PRDM16: variants seen among roughly 807,000 people sequenced by gnomAD.
PRDM16 encodes histone-lysine N-methyltransferase PRDM16.
A neutral mutation model predicts 110.6 loss-of-function variants in PRDM16; 23 were observed. The observed-to-expected ratio is 0.21, with a 90% confidence interval of 0.15 to 0.29. The LOEUF is 0.29. PRDM16 is among the 10% of genes least tolerant of loss of function. The pLI is 1.00. For missense variants in PRDM16, 1,615 were observed against 1,794.3 expected (o/e 0.90, Z 1.81); for synonymous variants, 799 against 781.8 (o/e 1.02, Z -0.37).
intron 2 of PRDM16, among the ~76,000 whole-genome samples, chr1:3,194,973 C>T (rs2100815694): frequency 6.6e-6 from 1 of 152,336 alleles, no homozygotes; most frequent in South Asian, 2.1e-4. Flanking sequence ...CTTTGCCGCG[C>T]TTCCCCACTC....
chr1:3,237,177 G>A (rs946041413), intron 2 of PRDM16, among the ~76,000 whole-genome samples: 1 of 151,988 alleles, frequency 6.6e-6, no homozygotes, highest in Admixed American at 6.6e-5. Context: ...TCTGTTTCTT[G>A]CCTCCATCCG....
intron 3 of PRDM16, among the ~76,000 whole-genome samples, chr1:3,294,948 C>A (rs1641053362): frequency 2.0e-5 from 3 of 152,248 alleles, no homozygotes; most frequent in Admixed American, 1.3e-4. Flanking sequence ...CGGTGTCAGG[C>A]CCCGTCTCAG....
chr1:3,071,204 G>A (rs1382984075), intron 1 of PRDM16, among the ~76,000 whole-genome samples: 1 of 152,260 alleles, frequency 6.6e-6, no homozygotes. Flanking sequence ...AGCGAGAGGC[G>A]GACTCGGCGC....
At chr1:3,082,216 CTGCAGTCAGGTCCTG>C (rs1395965183) in intron 1 of PRDM16, among the ~76,000 whole-genome samples, 14 of 152,224 alleles carry the variant, frequency 9.2e-5, no homozygotes, top group Admixed American at 2.0e-4. Context: ...GCCAGGCCCT[CTGCAGTCAGGTCCTG>C]TGCAGTCAGG....
Position 3,186,305 on chromosome 1 carries a change from A to G in PRDM16, c.218A>G (p.Tyr73Cys). ...KEGSPYEAPV[Y>C]IPEDIPIPAD... ...GGCTCGCCGTACGAGGCCCCTGTCT[A>G]CATTCCTGAAGACATTCCGATCCCA... is the stretch of plus-strand genomic sequence containing the variant. The change falls in exon 2 of 17, where the codon TAC becomes TGC. Residue 73 changes from tyrosine to cysteine, a missense_variant. Around this residue, in one of 5 missense-constraint regions of PRDM16, gnomAD observed 416 missense variants for 467.1 expected, o/e 0.89. Transcript: ENST00000270722. 6.2e-7 allele frequency: 1 copy of G among 1,611,986 alleles called. No homozygotes were observed. The highest frequency in any genetic ancestry group is 8.5e-7 in the Non-Finnish European group (1 of 1,179,524).
intron 1 of PRDM16, among the ~76,000 whole-genome samples, chr1:3,113,688 C>T (rs1299291436): frequency 1.3e-5 from 2 of 152,220 alleles, no homozygotes; most frequent in Non-Finnish European, 2.9e-5. Context: ...ACCAGGGTGG[C>T]TCCCCCTCAG....
rs1557600994 is a variant in PRDM16 at position 3,314,081 on chromosome 1, G to GGGGA, written c.438+69945_438+69946insGGAG. Among the ~76,000 whole-genome samples, 9 of 151,406 alleles carry GGGGA rather than the reference G, an allele frequency of 5.9e-5. 2 individuals are homozygous for GGGGA. The highest frequency in any genetic ancestry group is 2.2e-4 in the African/African-American group (9 of 40,810). On this transcript the variant is annotated intron_variant, in intron 3 of 16. Transcript: ENST00000270722. ...GCCGTCCTTCCCCACCGGGGGGGGGGGCGGGAACATAAAATGGACCCAAGT... is the reference window on the plus strand; with the variant it reads ...GCCGTCCTTCCCCACCGGGGGGGGGGGGGAGCGGGAACATAAAATGGACCCAAGT...
intron 8 of PRDM16, among the ~76,000 whole-genome samples, chr1:3,409,994 T>TG (rs1401616374): frequency 8.6e-4 from 69 of 79,856 alleles, no homozygotes; most frequent in Non-Finnish European, 1.2e-3. Context: ...TGGGGGGGTG[T>TG]GGGGGGTGTG....
rs1169798455 is a variant in PRDM16, at chr1:3,081,161, C to T, written c.37+11865C>T. On this transcript the variant is annotated intron_variant, in intron 1 of 16. Coordinates refer to ENST00000270722, the MANE Select transcript of PRDM16 (RefSeq NM_022114.4). The surrounding 1 kb of genome is among the most constrained non-coding windows in gnomAD (Gnocchi z 4.6). ...CGTCGAAGGTGTTAGTCTTACCTTC[C>T]CGAGGTTAGATAAAGCCGCTAAAAG... Among the ~76,000 whole-genome samples, 1 of 152,176 alleles carries T rather than the reference C, an allele frequency of 6.6e-6. No individual in the cohort carries two copies. The highest frequency in any genetic ancestry group is 2.4e-5 in the African/African-American group (1 of 41,432).
intron 3 of PRDM16, among the ~76,000 whole-genome samples, chr1:3,266,320 G>C (rs957624517): frequency 6.6e-6 from 1 of 152,192 alleles, no homozygotes; most frequent in African/African-American, 2.4e-5. Context: ...GAGCCGGGCA[G>C]GGGTGGCCCA....
At chr1:3,211,729 G>A (rs1222899508) in intron 2 of PRDM16, among the ~76,000 whole-genome samples, 1 of 152,260 alleles carries the variant, frequency 6.6e-6, no homozygotes, top group African/African-American at 2.4e-5. Flanking sequence ...AGCCGGCCTG[G>A]GTCCTCAGAG....
rs1642526446 is a variant in PRDM16, at chr1:3,353,072, T to A, written c.439-32080T>A. Among the ~76,000 whole-genome samples the A allele has an allele frequency of 6.6e-6, 1 of 151,542 alleles. No individual in the cohort carries two copies. Among genetic ancestry groups the A allele is most frequent in the African/African-American group, 2.4e-5 (1 of 41,226 alleles). On this transcript the variant is annotated intron_variant, in intron 3 of 16. Coordinates refer to ENST00000270722, the MANE Select transcript of PRDM16 (RefSeq NM_022114.4). The surrounding 1 kb of genome is among the most constrained non-coding windows in gnomAD (Gnocchi z 5.4). ...AGGCCTGGGGCTCTGGAGCCAGAAG[T>A]CAGGAAAGGGAGGCTGCAGCCGCAC...
intron 1 of PRDM16, among the ~76,000 whole-genome samples, chr1:3,161,932 C>A (rs567324230): frequency 1.3e-5 from 2 of 152,168 alleles, no homozygotes; most frequent in Non-Finnish European, 2.9e-5. Context: ...GAGTCGCTTC[C>A]TGGGCAGAGC....
At chr1:3,280,515 C>T (rs143263575) in intron 3 of PRDM16, among the ~76,000 whole-genome samples, 13 of 152,290 alleles carry the variant, frequency 8.5e-5, no homozygotes, top group Middle Eastern at 3.4e-3. Flanking sequence ...GGAGGGACGG[C>T]GTACATTCCA....
At chr1:3,338,459 G>T (rs907967954) in intron 3 of PRDM16, among the ~76,000 whole-genome samples, 1 of 152,260 alleles carries the variant, frequency 6.6e-6, no homozygotes, top group African/African-American at 2.4e-5. Flanking sequence ...TAGGGCCAAG[G>T]TGCCCTCCTG....
chr1:3,209,498 C>A lies in PRDM16; in HGVS notation c.387+23024C>A, dbSNP rs1341896575. ...ACAGCCAGGGAGGCAGGAGGCCAGG[C>A]CTGGGTGTGGAATAGGCCTCGCTGG... On this transcript the variant is annotated intron_variant, in intron 2 of 16. Coordinates refer to ENST00000270722, the MANE Select transcript of PRDM16 (RefSeq NM_022114.4). This position sits in a 1 kb window ranked among gnomAD's most constrained non-coding sequence, Gnocchi z 4.6. Among the ~76,000 whole-genome samples the A allele has an allele frequency of 6.6e-6, 1 of 152,168 alleles. No individual in the cohort carries two copies. The highest frequency in any genetic ancestry group is 1.5e-5 in the Non-Finnish European group (1 of 68,030).
intron 4 of PRDM16, among the ~76,000 whole-genome samples, chr1:3,393,914 C>T (rs1643339235): frequency 6.6e-6 from 1 of 152,176 alleles, no homozygotes; most frequent in Admixed American, 6.5e-5. Context: ...CCGACTGTGG[C>T]TCCAAGTCCC....
chr1:3,304,783 A>G (rs1641276471), intron 3 of PRDM16, among the ~76,000 whole-genome samples: 2 of 152,136 alleles, frequency 1.3e-5, no homozygotes, highest in African/African-American at 4.8e-5. Flanking sequence ...CTCTAGATAC[A>G]GCAGGAGGTG....
intron 3 of PRDM16, among the ~76,000 whole-genome samples, chr1:3,331,324 G>C (rs1038122246): frequency 6.6e-6 from 1 of 152,066 alleles, no homozygotes; most frequent in Admixed American, 6.5e-5. Context: ...GAGGTGGGGG[G>C]CATTCCTAGC....
Sources: allele counts gnomAD v4.1 joint callset (sites outside exome capture counted in the v4.1 genomes callset), GRCh38; gene constraint gnomAD v4.1.1; regional missense constraint gnomAD v4.1.1; non-coding constraint Gnocchi (gnomAD v3.1); transcripts MANE v1.5; gene names NCBI Gene and HGNC (gene_info 2026-07-23, HGNC 2026-07-21).